Variants in PCDH9 observed in about 807,000 individuals in gnomAD.
PCDH9 encodes protocadherin 9.
Under a neutral mutation model 70.6 loss-of-function variants are expected in PCDH9, and 24 were observed. The observed-to-expected ratio is 0.34, with a 90% confidence interval of 0.25 to 0.48. PCDH9 has a LOEUF of 0.48. Among genes scored for constraint, PCDH9 ranks in the 20% least tolerant of loss-of-function variants. The pLI, the probability that PCDH9 is intolerant of heterozygous loss-of-function variation, is 0.99. For synonymous variants in PCDH9, 562 were observed against 558.5 expected, an observed-to-expected ratio of 1.01 and a Z score of -0.09; for missense variants, 1,281 against 1,503.6, an observed-to-expected ratio of 0.85 and a Z score of 2.45.
chr13:66,609,103 A>G (rs1176164072), intron 4 of PCDH9, among the ~76,000 whole-genome samples: 3 of 152,180 alleles, frequency 2.0e-5, no homozygotes, highest in Non-Finnish European at 2.9e-5. Context: ...ATACATGGAG[A>G]AAGGAAACAC....
intron 2 of PCDH9, among the ~76,000 whole-genome samples, chr13:67,050,695 C>A (rs1322835435): frequency 6.6e-6 from 1 of 152,100 alleles, no homozygotes; most frequent in African/African-American, 2.4e-5. Flanking sequence ...CTCTGTCTAG[C>A]GTAAGATACA....
intron 4 of PCDH9, among the ~76,000 whole-genome samples, chr13:66,388,543 T>G (rs1956968180): frequency 1.3e-5 from 2 of 152,110 alleles, no homozygotes; most frequent in Admixed American, 1.3e-4. Context: ...ATTTTTAACT[T>G]TGAGAAGTTT....
intron 2 of PCDH9, among the ~76,000 whole-genome samples, chr13:67,014,515 A>G (rs1354125647): frequency 3.9e-5 from 6 of 152,040 alleles, no homozygotes; most frequent in African/African-American, 1.4e-4. Flanking sequence ...CTTTTATGTT[A>G]GTTCTACCAA....
At chr13:66,854,730 T>C (rs1383214314) in intron 3 of PCDH9, among the ~76,000 whole-genome samples, 2 of 152,112 alleles carry the variant, frequency 1.3e-5, no homozygotes, top group Non-Finnish European at 2.9e-5. Flanking sequence ...AAAAACTCTG[T>C]GATATGCTTT....
chr13:66,899,617 G>C (rs560328350), intron 3 of PCDH9, among the ~76,000 whole-genome samples: 2 of 152,048 alleles, frequency 1.3e-5, no homozygotes, highest in Admixed American at 1.3e-4. Flanking sequence ...GCAGAATACA[G>C]ACACTGAAAG....
intron 4 of PCDH9, among the ~76,000 whole-genome samples, chr13:66,336,043 CAT>C (rs1175268504): frequency 6.6e-6 from 1 of 151,936 alleles, no homozygotes; most frequent in African/African-American, 2.4e-5. Flanking sequence ...GATAAGCAGT[CAT>C]GTGTGGTAAT....
At chr13:66,363,782 A>T (rs1956509164) in intron 4 of PCDH9, among the ~76,000 whole-genome samples, 1 of 152,174 alleles carries the variant, frequency 6.6e-6, no homozygotes, top group East Asian at 1.9e-4. Context: ...TCTTTTCCCC[A>T]TGTTGTGTGT....
chr13:66,417,911 T>C (rs561516508), intron 4 of PCDH9, among the ~76,000 whole-genome samples: 20 of 152,238 alleles, frequency 1.3e-4, no homozygotes, highest in Non-Finnish European at 2.6e-4. Flanking sequence ...TATTAGACTT[T>C]TGTCAGATGA....
intron 4 of PCDH9, among the ~76,000 whole-genome samples, chr13:66,463,289 AAAG>A (rs769619699): frequency 5.9e-5 from 9 of 151,826 alleles, no homozygotes; most frequent in Non-Finnish European, 8.8e-5. Context: ...CTTGAGAGTC[AAAG>A]GTCTCCCTTT....
At chr13:66,781,989 A>G (rs1333610893) in intron 3 of PCDH9, among the ~76,000 whole-genome samples, 1 of 152,158 alleles carries the variant, frequency 6.6e-6, no homozygotes, top group African/African-American at 2.4e-5. Flanking sequence ...TTAAAGAGAT[A>G]AGATGCTTTA....
At chr13:67,117,998 A>G (rs1021381942) in intron 2 of PCDH9, among the ~76,000 whole-genome samples, 2 of 152,290 alleles carry the variant, frequency 1.3e-5, no homozygotes, top group Non-Finnish European at 2.9e-5. Context: ...CGCTCCATAA[A>G]TAAAAAATGA....
intron 4 of PCDH9, among the ~76,000 whole-genome samples, chr13:66,442,562 T>C (rs574949353): frequency 7.9e-5 from 12 of 152,028 alleles, no homozygotes; most frequent in African/African-American, 2.9e-4. Flanking sequence ...TGAGATTAAG[T>C]TGATATATAT....
chr13:66,352,235 TTAA>T (rs1261320178), intron 4 of PCDH9, among the ~76,000 whole-genome samples: 2 of 152,332 alleles, frequency 1.3e-5, no homozygotes, highest in East Asian at 3.9e-4. Flanking sequence ...TAACCACAAA[TTAA>T]TAAACATTCC....
chr13:67,146,241 C>G (rs1321032182), intron 2 of PCDH9, among the ~76,000 whole-genome samples: 1 of 152,048 alleles, frequency 6.6e-6, no homozygotes, highest in African/African-American at 2.4e-5. Context: ...AAAGCCCTTA[C>G]TAAGAATTTA....
chr13:66,658,659 G>A (rs1028173713), intron 3 of PCDH9, among the ~76,000 whole-genome samples: 2 of 151,996 alleles, frequency 1.3e-5, no homozygotes, highest in Non-Finnish European at 1.5e-5. Context: ...TCTAGGTTCA[G>A]GACATGCCAC....
intron 4 of PCDH9, among the ~76,000 whole-genome samples, chr13:66,442,442 CA>C (rs1957991728): frequency 6.6e-6 from 1 of 151,920 alleles, no homozygotes; most frequent in African/African-American, 2.4e-5. Context: ...GAGAAATGTG[CA>C]AAAATGATTT....
At chr13:67,028,179 A>T (rs1594411697) in intron 2 of PCDH9, among the ~76,000 whole-genome samples, 1 of 147,824 alleles carries the variant, frequency 6.8e-6, no homozygotes. Flanking sequence ...CAAATGTCCA[A>T]CAGTGATAGA....
intron 3 of PCDH9, among the ~76,000 whole-genome samples, chr13:66,647,887 G>T (rs2077793815): frequency 6.6e-6 from 1 of 152,128 alleles, no homozygotes; most frequent in Non-Finnish European, 1.5e-5. Context: ...AGAGCCCTTG[G>T]GCCTTGAGTG....
intron 3 of PCDH9, among the ~76,000 whole-genome samples, chr13:66,893,148 A>G (rs965126556): frequency 6.6e-6 from 1 of 152,180 alleles, no homozygotes; most frequent in East Asian, 1.9e-4. Context: ...TGTTAAATGC[A>G]TGTTTATGTA....
Sources: gnomAD v4.1 joint callset for allele counts (sites outside exome capture counted in the v4.1 genomes callset) on GRCh38, gnomAD v4.1.1 for gene constraint, MANE v1.5 for transcripts, NCBI Gene and HGNC (gene_info 2026-07-23, HGNC 2026-07-21) for gene names.